PGBD5: variants seen among roughly 807,000 people sequenced by gnomAD.
PGBD5 encodes the protein piggyBac transposable element derived 5.
PGBD5 carries 14 observed loss-of-function variants against 47.9 expected under a neutral mutation model. That is an observed-to-expected ratio of 0.29 (90% CI 0.19 to 0.46). The LOEUF is 0.46. Among genes scored for constraint, PGBD5 ranks in the 20% least tolerant of loss-of-function variants. The pLI, the probability that PGBD5 is intolerant of heterozygous loss-of-function variation, is 1.00. For missense variants in PGBD5, 635 were observed against 716.0 expected (o/e 0.89, Z 1.29); for synonymous variants, 316 against 306.3 (o/e 1.03, Z -0.33).
intron 1 of PGBD5, among the ~76,000 whole-genome samples, chr1:230,383,689 T>C (rs1340549488): frequency 6.6e-6 from 1 of 152,030 alleles, no homozygotes; most frequent in African/African-American, 2.4e-5. Flanking sequence ...AACCCCACAG[T>C]CTCTCGAGAG....
At position 230,321,841 on chromosome 1, in the gene PGBD5, A is replaced by G. The variant is rs1349072525; in HGVS notation, c.*1584T>C. 6.5e-6 allele frequency: 1 copy of G among 152,680 alleles called. No homozygotes were observed. Among genetic ancestry groups the G allele is most frequent in the Non-Finnish European group, 1.5e-5 (1 of 68,056 alleles). The allele number at this position is 152,680 out of a possible 1,614,324, so 9.5% of individuals were successfully genotyped here. ...TGCTTTCAATCCCATTAAAGGGCAC[A>G]GCAAGGGTGTTTGGAAACACGATCT... On this transcript the variant is annotated 3_prime_UTR_variant, in exon 7 of 7. Transcript: ENST00000391860.
At chr1:230,325,973 G>A (rs1667110335) in intron 5 of PGBD5, among the ~76,000 whole-genome samples, 1 of 152,214 alleles carries the variant, frequency 6.6e-6, no homozygotes, top group Middle Eastern at 3.4e-3. Flanking sequence ...TCCCATCTAG[G>A]CTGTGGTTTT....
At chr1:230,370,291 A>G (rs1019191114) in intron 1 of PGBD5, among the ~76,000 whole-genome samples, 2 of 152,170 alleles carry the variant, frequency 1.3e-5, no homozygotes, top group Non-Finnish European at 2.9e-5. Flanking sequence ...AAACAAGGGA[A>G]AGGTCAGCGC....
At chr1:230,391,702 G>A (rs1656787297) in intron 1 of PGBD5, among the ~76,000 whole-genome samples, 1 of 152,200 alleles carries the variant, frequency 6.6e-6, no homozygotes, top group Non-Finnish European at 1.5e-5. Flanking sequence ...AGCTCCTACT[G>A]TATTTTGGTG....
rs1657756100 is a variant in PGBD5 at position 230,425,517 on chromosome 1, C to T, written c.331+81G>A. The T allele has an allele frequency of 2.8e-6, 3 of 1,071,974 alleles. No individual in the cohort carries two copies. The highest frequency in any genetic ancestry group is 1.6e-5 in the African/African-American group (1 of 60,644). The allele number at this position is 1,071,974 out of a possible 1,614,324, so 66.4% of individuals were successfully genotyped here. On this transcript the variant is annotated intron_variant, in intron 1 of 6. Transcript: ENST00000391860. The surrounding 1 kb of genome is among the most constrained non-coding windows in gnomAD (Gnocchi z 4.7). Reference sequence around the variant, plus strand: ...CAAGCCAGCCCACGGAGAGTCTGGACTCGCCCGCCCCAGCACCCACGCCTC... The same window carrying T: ...CAAGCCAGCCCACGGAGAGTCTGGATTCGCCCGCCCCAGCACCCACGCCTC...
chr1:230,414,910 T>C (rs1473511778), intron 1 of PGBD5, among the ~76,000 whole-genome samples: 1 of 152,222 alleles, frequency 6.6e-6, no homozygotes, highest in Non-Finnish European at 1.5e-5. Context: ...AGCAGTGGAA[T>C]TCCTGGGAAC....
At chr1:230,327,936 CA>C (rs1667148824) in intron 5 of PGBD5, among the ~76,000 whole-genome samples, 1 of 152,256 alleles carries the variant, frequency 6.6e-6, no homozygotes, top group Admixed American at 6.5e-5. Context: ...CCTCCAATGA[CA>C]ACCTTCTCTG....
intron 1 of PGBD5, among the ~76,000 whole-genome samples, chr1:230,393,931 G>A (rs903281053): frequency 6.6e-6 from 1 of 151,946 alleles, no homozygotes; most frequent in Non-Finnish European, 1.5e-5. Flanking sequence ...CCGCCCTAGA[G>A]TCCGCCACAC....
chr1:230,349,107 T>TGA (rs969343758), intron 3 of PGBD5, among the ~76,000 whole-genome samples: 78 of 152,270 alleles, frequency 5.1e-4, no homozygotes, highest in Admixed American at 9.2e-4. Context: ...GAATCTGAAC[T>TGA]GAGAGAGAGA....
At chr1:230,360,430 G>A (rs1297577115) in intron 1 of PGBD5, among the ~76,000 whole-genome samples, 1 of 152,168 alleles carries the variant, frequency 6.6e-6, no homozygotes, top group Non-Finnish European at 1.5e-5. Flanking sequence ...GATATGGTCT[G>A]GCTCTGTGTC....
intron 1 of PGBD5, among the ~76,000 whole-genome samples, chr1:230,376,005 T>A (rs1302901670): frequency 6.6e-6 from 1 of 151,862 alleles, no homozygotes; most frequent in African/African-American, 2.4e-5. Context: ...CAGCACGTGC[T>A]TGGGAAACAG....
intron 1 of PGBD5, chr1:230,368,037 A>T: frequency 2.2e-6 from 3 of 1,367,892 alleles, no homozygotes; most frequent in Non-Finnish European, 2.9e-6. Flanking sequence ...CATAGGCAGG[A>T]ATGAATACTC....
intron 1 of PGBD5, among the ~76,000 whole-genome samples, chr1:230,369,851 C>T (rs779670071): frequency 5.3e-5 from 8 of 152,020 alleles, no homozygotes; most frequent in Non-Finnish European, 1.2e-4. Flanking sequence ...CCTAGAATTC[C>T]CTGCATACCC....
Position 230,376,486 on chromosome 1 carries a change from G to A in PGBD5, c.332-19165C>T, listed in dbSNP as rs571788532. 6.6e-4 allele frequency among the ~76,000 whole-genome samples: 100 copies of A among 152,190 alleles called. 1 individual carries two copies. In the South Asian group the frequency reaches 0.01, roughly 16 times the overall value. On this transcript the variant is annotated intron_variant, in intron 1 of 6. Transcript: ENST00000391860. Reference sequence around the variant, plus strand: ...GGCACCAACAGCCTGGGTGTCAATCGGCCCTTTGTTGGCTGTGTATCCTGC... The same window carrying A: ...GGCACCAACAGCCTGGGTGTCAATCAGCCCTTTGTTGGCTGTGTATCCTGC...
At chr1:230,364,684 G>A (rs939991296) in intron 1 of PGBD5, among the ~76,000 whole-genome samples, 1 of 152,258 alleles carries the variant, frequency 6.6e-6, no homozygotes, top group African/African-American at 2.4e-5. Flanking sequence ...TTGTTCACAG[G>A]AAATATGAAC....
chr1:230,358,380 C>G (rs141604538), intron 1 of PGBD5, among the ~76,000 whole-genome samples: 2 of 152,166 alleles, frequency 1.3e-5, no homozygotes, highest in African/African-American at 2.4e-5. Context: ...TAAGTTGAGG[C>G]GGTTTTGTAA....
chr1:230,347,691 G>A (rs1269893849), intron 3 of PGBD5, among the ~76,000 whole-genome samples: 2 of 151,700 alleles, frequency 1.3e-5, no homozygotes, highest in East Asian at 1.9e-4. Flanking sequence ...TGCATAATTT[G>A]GGCTCTCCTG....
At chr1:230,353,533 C>T (rs570234630) in intron 2 of PGBD5, among the ~76,000 whole-genome samples, 2 of 152,234 alleles carry the variant, frequency 1.3e-5, no homozygotes, top group South Asian at 2.1e-4. Flanking sequence ...TGGAATAAAA[C>T]GGCTCCCAAG....
chr1:230,324,482 G>A (rs567437349), intron 6 of PGBD5, among the ~76,000 whole-genome samples: 2 of 152,346 alleles, frequency 1.3e-5, no homozygotes, highest in South Asian at 4.1e-4. Flanking sequence ...TCCCCAAGGA[G>A]TGGGACTACC....
Sources: gnomAD v4.1 joint callset for allele counts (sites outside exome capture counted in the v4.1 genomes callset) on GRCh38, gnomAD v4.1.1 for gene constraint, Gnocchi (gnomAD v3.1) non-coding constraint, MANE v1.5 for transcripts, NCBI Gene and HGNC (gene_info 2026-07-23, HGNC 2026-07-21) for gene names.